The following DCHS2 variants were observed in gnomAD, a reference collection of about 807,000 sequenced individuals.
DCHS2 encodes protocadherin-23.
Under a neutral mutation model 182.4 loss-of-function variants are expected in DCHS2, and 142 were observed. That is an observed-to-expected ratio of 0.78 (90% CI 0.68 to 0.89). DCHS2 has a LOEUF of 0.89. DCHS2 is among the 40% of genes least tolerant of loss of function. The pLI is 0.00. For synonymous variants in DCHS2, 1,740 were observed against 1,663.3 expected (o/e 1.05, Z -1.12); for missense variants, 4,319 against 4,198.6 (o/e 1.03, Z -0.79).
At chr4:154,343,257 A>G (rs62331891) in intron 3 of DCHS2, among the ~76,000 whole-genome samples, 47 of 152,314 alleles carry the variant, frequency 3.1e-4, no homozygotes, top group Non-Finnish European at 6.6e-4. Flanking sequence ...ATATTTCTTA[A>G]GAGCCCTAGG....
intron 8 of DCHS2, among the ~76,000 whole-genome samples, chr4:154,321,612 G>A (rs572883344): frequency 3.7e-4 from 57 of 152,278 alleles, no homozygotes; most frequent in Non-Finnish European, 7.8e-4. Flanking sequence ...GTACATTTAA[G>A]TATCATATGT....
At chr4:154,466,385 A>C (rs912973756) in intron 1 of DCHS2, among the ~76,000 whole-genome samples, 2 of 152,198 alleles carry the variant, frequency 1.3e-5, no homozygotes, top group African/African-American at 2.4e-5. Flanking sequence ...TTAAGGGCAA[A>C]ATAGATGGCC....
chr4:154,322,621 G>A (rs1736110201), intron 7 of DCHS2, 133 bp from the exon 8 acceptor site: 1 of 1,183,830 alleles, frequency 8.4e-7, no homozygotes, highest in Non-Finnish European at 1.1e-6. Flanking sequence ...ACACAAAAAT[G>A]ACACTAAAAA....
At chr4:154,391,980 T>C (rs1275475651) in intron 1 of DCHS2, among the ~76,000 whole-genome samples, 2 of 152,006 alleles carry the variant, frequency 1.3e-5, no homozygotes, top group Non-Finnish European at 2.9e-5. Flanking sequence ...CTATATACTA[T>C]ATACTAACAG....
intron 16 of DCHS2, among the ~76,000 whole-genome samples, chr4:154,248,028 G>GA (rs1452597524): frequency 2.0e-5 from 3 of 152,010 alleles, no homozygotes; most frequent in African/African-American, 4.8e-5. Flanking sequence ...AGGTCTTCAT[G>GA]AAAAAAGAGG....
chr4:154,332,837 A>C lies in DCHS2; in HGVS notation c.3371T>G (p.Leu1124Arg), dbSNP rs556616939. 3 of 1,614,232 alleles carry C rather than the reference A, an allele frequency of 1.9e-6. No homozygotes were observed. In the East Asian group the frequency reaches 6.7e-5, roughly 36 times the overall value. Residue 1124 changes from leucine to arginine, a missense_variant, in exon 5 of 20, where the codon CTG becomes CGG. Leu to Arg is a moderately radical substitution (Grantham distance 102). Coordinates refer to ENST00000357232, the MANE Select transcript of DCHS2 (RefSeq NM_001358235.2). ...QRAASPLRYS[L>R]EPSVDSAMFG... ...CATAGCAGAGTCTACGCTGGGTTCC[A>C]GCGAGTACCTAAGAGGCGAGGCTGC...
At chr4:154,283,830 T>C (rs968720118) in intron 13 of DCHS2, among the ~76,000 whole-genome samples, 1 of 152,174 alleles carries the variant, frequency 6.6e-6, no homozygotes, top group Non-Finnish European at 1.5e-5. Flanking sequence ...CCATTTCTTG[T>C]ATGGGCTGTC....
At chr4:154,430,529 C>T (rs971076022) in intron 1 of DCHS2, among the ~76,000 whole-genome samples, 3 of 152,112 alleles carry the variant, frequency 2.0e-5, no homozygotes, top group Non-Finnish European at 4.4e-5. Flanking sequence ...GGAAATAATT[C>T]CCCTGGATGA....
At chr4:154,421,011 G>GA (rs886653117) in intron 1 of DCHS2, among the ~76,000 whole-genome samples, 14 of 151,476 alleles carry the variant, frequency 9.2e-5, no homozygotes, top group African/African-American at 2.9e-4. Flanking sequence ...ACCATCATTG[G>GA]AAAAAAAAGG....
intron 3 of DCHS2, chr4:154,343,771 C>A: frequency 9.9e-7 from 1 of 1,010,158 alleles, no homozygotes. Context: ...CTTTTGCTTT[C>A]TTATCATTTT....
intron 13 of DCHS2, among the ~76,000 whole-genome samples, chr4:154,276,990 G>A (rs1008844321): frequency 6.6e-6 from 1 of 152,168 alleles, no homozygotes; most frequent in South Asian, 2.1e-4. Flanking sequence ...TCCTTTATGA[G>A]AGAGGCCATG....
At chr4:154,316,901 A>T (rs1373414564) in intron 9 of DCHS2, among the ~76,000 whole-genome samples, 1 of 152,262 alleles carries the variant, frequency 6.6e-6, no homozygotes, top group Non-Finnish European at 1.5e-5. Flanking sequence ...GATGTAATAC[A>T]TACTGGCACA....
At chr4:154,482,289 G>A (rs753670064) in intron 1 of DCHS2, among the ~76,000 whole-genome samples, 1 of 152,164 alleles carries the variant, frequency 6.6e-6, no homozygotes, top group Non-Finnish European at 1.5e-5. Context: ...ATAACATTAA[G>A]AAATGAGCAA....
intron 1 of DCHS2, among the ~76,000 whole-genome samples, chr4:154,450,277 A>C (rs56287001): frequency 0.024 from 3,596 of 152,292 alleles, 57 homozygotes; most frequent in Middle Eastern, 0.065. Flanking sequence ...GAGGGACTTT[A>C]ATGAGATTTG....
intron 1 of DCHS2, among the ~76,000 whole-genome samples, chr4:154,377,875 C>T (rs34503070): frequency 0.29 from 44,879 of 152,142 alleles, 8,514 homozygotes; most frequent in East Asian, 0.65. Context: ...TGATGCCCCC[C>T]ACCTTTGAGA....
chr4:154,440,919 T>C (rs1296009351), intron 1 of DCHS2, among the ~76,000 whole-genome samples: 2 of 152,128 alleles, frequency 1.3e-5, no homozygotes, highest in African/African-American at 4.8e-5. Context: ...CATATGTCAT[T>C]AGAGAAAATA....
intron 13 of DCHS2, among the ~76,000 whole-genome samples, chr4:154,277,630 C>CAAAAAAAAAAAAAAA (rs35543228): frequency 2.0e-5 from 2 of 102,516 alleles, no homozygotes; most frequent in Non-Finnish European, 2.0e-5. Context: ...GAAATCACAC[C>CAAAAAAAAAAAAAAA]AAAAAAAAAA....
chr4:154,307,940 T>G (rs945956656), intron 10 of DCHS2, among the ~76,000 whole-genome samples: 1 of 152,168 alleles, frequency 6.6e-6, no homozygotes, highest in Non-Finnish European at 1.5e-5. Flanking sequence ...CCTTACTCCC[T>G]GTCTCAATGG....
chr4:154,482,132 G>A (rs1242604301), intron 1 of DCHS2, among the ~76,000 whole-genome samples: 1 of 152,134 alleles, frequency 6.6e-6, no homozygotes, highest in Admixed American at 6.5e-5. Context: ...AAACCATCCA[G>A]TAAAAAGTGA....
Sources: allele counts gnomAD v4.1 joint callset (sites outside exome capture counted in the v4.1 genomes callset), GRCh38; gene constraint gnomAD v4.1.1; transcripts MANE v1.5; gene names NCBI Gene and HGNC (gene_info 2026-07-23, HGNC 2026-07-21).